The following UBXN7 variants were observed in gnomAD, a reference collection of about 807,000 sequenced individuals.
UBXN7 encodes the protein UBX domain-containing protein 7.
Under a neutral mutation model 58.0 loss-of-function variants are expected in UBXN7, and 9 were observed. The ratio of observed to expected loss-of-function variants is 0.16; its 90% CI spans 0.09 to 0.27. The LOEUF (loss-of-function observed/expected upper bound fraction) is 0.27. Among genes scored for constraint, UBXN7 ranks in the 10% least tolerant of loss-of-function variants. The probability of loss-of-function intolerance (pLI) is 1.00; values close to 1 mark genes in which losing one functional copy is unlikely to be tolerated. For synonymous variants in UBXN7, 208 were observed against 205.0 expected, an observed-to-expected ratio of 1.01 and a Z score of -0.12; for missense variants, 328 against 599.6, an observed-to-expected ratio of 0.55 and a Z score of 4.73.
intron 1 of UBXN7, among the ~76,000 whole-genome samples, chr3:196,411,942 C>T (rs899313561): frequency 2.0e-5 from 3 of 151,950 alleles, no homozygotes; most frequent in East Asian, 1.9e-4. Context: ...TGAAAAAAGG[C>T]GGCCGGCCAG....
At chr3:196,374,838 T>C (rs1289659042) in intron 5 of UBXN7, among the ~76,000 whole-genome samples, 64 of 115,282 alleles carry the variant, frequency 5.6e-4, no homozygotes, top group African/African-American at 2.0e-3. Context: ...GATCGTGCCA[T>C]TGCACTCCAG....
Position 196,349,509 on chromosome 3 carries a change from G to A in UBXN7, c.*7176C>T, listed in dbSNP as rs547485575. The A allele has an allele frequency of 6.6e-4, 100 of 152,296 alleles. No homozygotes were observed. Among genetic ancestry groups the A allele is most frequent in the African/African-American group, 2.4e-3 (98 of 41,566 alleles). The allele number at this position is 152,296 out of a possible 1,614,324, so 9.4% of individuals were successfully genotyped here. Reference sequence around the variant, plus strand: ...CTCCATTAAGAATGCAAAGCTTTGAGAAAAGCATACTGTAAAATCATGTTG... The same window carrying A: ...CTCCATTAAGAATGCAAAGCTTTGAAAAAAGCATACTGTAAAATCATGTTG... On this transcript the variant is annotated 3_prime_UTR_variant, in exon 11 of 11. Coordinates refer to ENST00000296328, the MANE Select transcript of UBXN7 (RefSeq NM_015562.2).
At chr3:196,372,192 T>C (rs1728852997) in intron 5 of UBXN7, 150 bp from the exon 6 acceptor site, 2 of 800,580 alleles carry the variant, frequency 2.5e-6, no homozygotes, top group South Asian at 2.0e-5. Flanking sequence ...ATACATTCTA[T>C]ATATTTACTT....
At chr3:196,423,474 G>A in intron 1 of UBXN7, 1 of 245,222 alleles carries the variant, frequency 4.1e-6, no homozygotes, top group South Asian at 3.8e-5. Context: ...CTGTGATGGG[G>A]CTTGGGGTAC....
intron 1 of UBXN7, among the ~76,000 whole-genome samples, chr3:196,416,990 A>C (rs1577475414): frequency 6.6e-6 from 1 of 152,168 alleles, no homozygotes; most frequent in South Asian, 2.1e-4. Context: ...GACACTGAAC[A>C]CCTGGAGCCA....
intron 1 of UBXN7, among the ~76,000 whole-genome samples, chr3:196,427,594 C>T (rs548196365): frequency 6.6e-6 from 1 of 152,218 alleles, no homozygotes; most frequent in East Asian, 1.9e-4. Flanking sequence ...CCTGGGATTA[C>T]AGGCGTGAGC....
intron 2 of UBXN7, among the ~76,000 whole-genome samples, chr3:196,405,764 T>A (rs1223869844): frequency 3.3e-5 from 5 of 152,068 alleles, no homozygotes; most frequent in Non-Finnish European, 7.4e-5. Flanking sequence ...AATGGAAGGA[T>A]GGAACAGAAA....
chr3:196,383,745 A>C (rs1425807319), intron 5 of UBXN7, among the ~76,000 whole-genome samples: 2 of 152,246 alleles, frequency 1.3e-5, no homozygotes, highest in African/African-American at 2.4e-5. Flanking sequence ...TGTTCTTTGA[A>C]ACCAATGAGA....
chr3:196,417,685 T>G (rs577570058), intron 1 of UBXN7, among the ~76,000 whole-genome samples: 1 of 130,650 alleles, frequency 7.7e-6, no homozygotes, highest in South Asian at 2.4e-4. Context: ...GACGGACTGC[T>G]TGAGCTCACA....
intron 5 of UBXN7, among the ~76,000 whole-genome samples, chr3:196,385,915 T>C (rs1729374359): frequency 6.6e-6 from 1 of 152,062 alleles, no homozygotes; most frequent in South Asian, 2.1e-4. Flanking sequence ...ATGATGACGA[T>C]GGTGGTTTTG....
intron 8 of UBXN7, 112 bp from the exon 9 acceptor site, chr3:196,362,799 G>A: frequency 7.5e-7 from 1 of 1,332,662 alleles, no homozygotes; most frequent in Admixed American, 2.4e-5. Context: ...TCTGCTGACT[G>A]TATCCCTTCT....
intron 5 of UBXN7, 24 bp downstream of exon 5, chr3:196,391,789 G>C (rs1191385284): frequency 6.5e-7 from 1 of 1,540,136 alleles, no homozygotes; most frequent in South Asian, 1.2e-5. Context: ...TCATAGTTAA[G>C]GCACTGACTC....
At chr3:196,426,847 CAAA>C (rs879857963) in intron 1 of UBXN7, among the ~76,000 whole-genome samples, 2 of 100,704 alleles carry the variant, frequency 2.0e-5, no homozygotes. Context: ...GACTCTGTCT[CAAA>C]AAAAAAAAAA....
chr3:196,377,288 T>G (rs916445544), intron 5 of UBXN7, among the ~76,000 whole-genome samples: 3 of 152,198 alleles, frequency 2.0e-5, no homozygotes, highest in African/African-American at 7.2e-5. Flanking sequence ...AGTGCTCTGC[T>G]CACTCAGCTG....
intron 1 of UBXN7, among the ~76,000 whole-genome samples, chr3:196,415,010 G>T (rs1337532964): frequency 2.0e-5 from 3 of 151,830 alleles, no homozygotes; most frequent in Non-Finnish European, 2.9e-5. Context: ...AAATTCTTGG[G>T]GCAAAAACAG....
At chr3:196,384,026 A>G (rs1184625625) in intron 5 of UBXN7, among the ~76,000 whole-genome samples, 1 of 152,200 alleles carries the variant, frequency 6.6e-6, no homozygotes, top group Non-Finnish European at 1.5e-5. Context: ...TTTTTTGAAA[A>G]GATCAACAAA....
At position 196,391,366 on chromosome 3, in the gene UBXN7, T is replaced by C. The variant is rs141238172; in HGVS notation, c.468+447A>G. Among the ~76,000 whole-genome samples, 274 of 152,274 alleles carry C rather than the reference T, an allele frequency of 1.8e-3. 3 individuals carry two copies. The highest frequency in any genetic ancestry group is 6.3e-3 in the African/African-American group (263 of 41,566). On this transcript the variant is annotated intron_variant, in intron 5 of 10. Transcript: ENST00000296328. ...ATCAATGTAACCTTTAGGCATATCATGTAGATATACTTATTATAATGCCAA... is the reference window on the plus strand; with the variant it reads ...ATCAATGTAACCTTTAGGCATATCACGTAGATATACTTATTATAATGCCAA...
chr3:196,377,757 C>G (rs1334304392), intron 5 of UBXN7, among the ~76,000 whole-genome samples: 1 of 152,120 alleles, frequency 6.6e-6, no homozygotes, highest in African/African-American at 2.4e-5. Flanking sequence ...GCCTCAACCT[C>G]CTGGGCTCAA....
chr3:196,412,880 T>C (rs1343837756), intron 1 of UBXN7, among the ~76,000 whole-genome samples: 1 of 152,002 alleles, frequency 6.6e-6, no homozygotes, highest in Non-Finnish European at 1.5e-5. Context: ...AGTCAGAAAG[T>C]AGAATGATGG....
Sources: gnomAD v4.1 joint callset for allele counts (sites outside exome capture counted in the v4.1 genomes callset) on GRCh38, gnomAD v4.1.1 for gene constraint, MANE v1.5 for transcripts, NCBI Gene and HGNC (gene_info 2026-07-23, HGNC 2026-07-21) for gene names.